Variants in TOM1 observed in about 807,000 individuals in gnomAD.
The protein encoded by TOM1 is target of myb1 membrane trafficking protein, also known as target of Myb protein 1.
In TOM1, 38 loss-of-function variants were observed where a neutral mutation model predicts 61.3. The ratio of observed to expected loss-of-function variants is 0.62; its 90% confidence interval spans 0.48 to 0.81. The LOEUF (loss-of-function observed/expected upper bound fraction) is 0.81. Ranked by LOEUF, TOM1 falls within the 40% of genes least tolerant of loss-of-function variation. The pLI, the probability that TOM1 is intolerant of heterozygous loss-of-function variation, is 0.00. For missense variants in TOM1, 591 were observed against 659.6 expected (o/e 0.90, Z 1.14); for synonymous variants, 270 against 268.8 (o/e 1.00, Z -0.04).
At position 35,323,380 on chromosome 22, in the gene TOM1, G is replaced by A. The variant is rs1928007064; in HGVS notation, c.367-116G>A. ...TTGCTGTGGAGTGGGCAGGGCAGAT[G>A]TAGTTAAAAAAAAAAAAAAAGCAGG... On this transcript the variant is annotated intron_variant, in intron 4 of 14. Coordinates refer to ENST00000449058, the MANE Select transcript of TOM1 (RefSeq NM_005488.3). This position sits in a 1 kb window ranked among gnomAD's most constrained non-coding sequence, Gnocchi z 4.2. 7.3e-7 allele frequency: 1 copy of A among 1,367,536 alleles called. No homozygotes were observed. The highest frequency in any genetic ancestry group is 1.3e-5 in the South Asian group (1 of 75,584). 84.7% of individuals were successfully genotyped at this position (1,367,536 alleles called of 1,614,324 possible).
At position 35,346,982 on chromosome 22, in the gene TOM1, GC is replaced by G; in HGVS notation, c.1324+17del. 1 of 833,388 alleles carries G rather than the reference GC, an allele frequency of 1.2e-6. No homozygotes were observed. The highest frequency in any genetic ancestry group is 1.9e-6 in the Non-Finnish European group (1 of 517,322). The allele number at this position is 833,388 out of a possible 1,614,324, so 51.6% of individuals were successfully genotyped here. A position where few individuals can be genotyped will look rare whatever the true frequency, so the allele number is the denominator to read the frequency against. On this transcript the variant is annotated intron_variant, in intron 14 of 14. Coordinates refer to ENST00000449058, the MANE Select transcript of TOM1 (RefSeq NM_005488.3). ...GTCACCAGCGAAGGTAGTAGTCCCC[GC>G]CCCTGCCCGCCCTCTCCTTTCCCCA...
At chr22:35,343,762 TACACATAC>T (rs1930230907) in intron 12 of TOM1, among the ~76,000 whole-genome samples, 1 of 78,112 alleles carries the variant, frequency 1.3e-5, no homozygotes, top group Non-Finnish European at 2.6e-5. Flanking sequence ...CCCCTACACC[TACACATAC>T]ACACCTACAC....
intron 1 of TOM1, among the ~76,000 whole-genome samples, chr22:35,307,493 C>T (rs974504209): frequency 1.3e-5 from 2 of 152,200 alleles, no homozygotes; most frequent in African/African-American, 2.4e-5. Flanking sequence ...GCTTAGTCTC[C>T]GCATCAGAAG....
intron 3 of TOM1, chr22:35,322,301 G>A: frequency 2.2e-6 from 1 of 450,880 alleles, no homozygotes; most frequent in South Asian, 3.1e-5. Flanking sequence ...CTGGGCCAAA[G>A]GACCTGTGGG....
intron 8 of TOM1, among the ~76,000 whole-genome samples, chr22:35,330,980 G>T (rs934084039): frequency 2.0e-5 from 3 of 152,168 alleles, no homozygotes; most frequent in African/African-American, 7.2e-5. Flanking sequence ...AAGAAAGATG[G>T]ATCCCAGGGC....
intron 1 of TOM1, among the ~76,000 whole-genome samples, chr22:35,300,485 C>T (rs1416666821): frequency 1.3e-5 from 2 of 152,204 alleles, no homozygotes; most frequent in East Asian, 3.9e-4. Flanking sequence ...GGCCCAGCGC[C>T]GGACAGCCCG....
chr22:35,334,209 C>A (rs1204662482), intron 10 of TOM1, 119 bp from the exon 11 acceptor site: 4 of 1,402,524 alleles, frequency 2.9e-6, no homozygotes, highest in Non-Finnish European at 3.8e-6. Context: ...CGCGCATTCC[C>A]CCACCCACAC....
chr22:35,303,030 C>T (rs1925985221), intron 1 of TOM1, among the ~76,000 whole-genome samples: 1 of 152,012 alleles, frequency 6.6e-6, no homozygotes, highest in South Asian at 2.1e-4. Context: ...AGCTGTAGAG[C>T]CATATGGAAT....
At position 35,299,973 on chromosome 22, in the gene TOM1, G is replaced by A; in HGVS notation, c.45G>A (p.Gln15=). 8 of 1,575,818 alleles carry A rather than the reference G, an allele frequency of 5.1e-6. No homozygotes were observed. The highest frequency in any genetic ancestry group is 6.9e-6 in the Non-Finnish European group (8 of 1,159,572). The change falls in exon 1 of 15, where the codon CAG becomes CAA. Residue 15 remains glutamine (Q), a synonymous_variant. Coordinates refer to ENST00000449058, the MANE Select transcript of TOM1 (RefSeq NM_005488.3). The part of the protein sequence containing the change: ...LGNPFSSPVG[Q]RIEKATDGSL... ...ACCCGTTCAGCTCTCCAGTGGGACA[G>A]CGCATCGGTGAGTCCCTGGAGCCCC...
At chr22:35,317,666 T>C (rs1927410372) in intron 1 of TOM1, among the ~76,000 whole-genome samples, 1 of 152,066 alleles carries the variant, frequency 6.6e-6, no homozygotes, top group Non-Finnish European at 1.5e-5. Context: ...GCAGAGGTAC[T>C]CCGGCCTCAG....
intron 7 of TOM1, 68 bp from the exon 8 acceptor site, chr22:35,330,278 CA>C (rs879087966): frequency 0.063 from 63,077 of 1,009,074 alleles, no homozygotes; most frequent in South Asian, 0.095. Context: ...CTCCGTCTCA[CA>C]AAAAAAAAAA....
chr22:35,340,665 TGAGCACAG>T (rs1366584046), intron 12 of TOM1, among the ~76,000 whole-genome samples: 1 of 152,114 alleles, frequency 6.6e-6, no homozygotes, highest in Non-Finnish European at 1.5e-5. Context: ...GAGGATCGCT[TGAGCACAG>T]GAGGTGGAGG....
chr22:35,307,247 C>G (rs1926402498), intron 1 of TOM1, among the ~76,000 whole-genome samples: 1 of 152,158 alleles, frequency 6.6e-6, no homozygotes, highest in South Asian at 2.1e-4. Flanking sequence ...GTAGGGTTTT[C>G]TTTTCATTAG....
intron 1 of TOM1, among the ~76,000 whole-genome samples, chr22:35,317,481 C>T (rs925874856): frequency 6.6e-6 from 1 of 152,172 alleles, no homozygotes. Context: ...AGCCACCGCG[C>T]CCAGCTCAAA....
intron 1 of TOM1, among the ~76,000 whole-genome samples, chr22:35,312,174 A>G (rs1259985729): frequency 1.3e-5 from 2 of 151,438 alleles, no homozygotes; most frequent in Non-Finnish European, 2.9e-5. Context: ...AACCCAGGAG[A>G]CGGAAGTTGC....
intron 8 of TOM1, chr22:35,331,420 T>G (rs1928837715): frequency 2.4e-6 from 1 of 421,778 alleles, no homozygotes; most frequent in African/African-American, 2.1e-5. Context: ...CTGCCCACCT[T>G]GTATCATTCT....
intron 1 of TOM1, among the ~76,000 whole-genome samples, chr22:35,308,062 AGAGG>A: frequency 6.6e-6 from 1 of 152,164 alleles, no homozygotes; most frequent in East Asian, 1.9e-4. Flanking sequence ...CCCCAGAACA[AGAGG>A]GAACTTGGCC....
At chr22:35,344,961 A>C (rs913531441) in intron 12 of TOM1, 2 of 152,672 alleles carry the variant, frequency 1.3e-5, no homozygotes, top group Admixed American at 6.5e-5. Context: ...CACTGTGTTA[A>C]GGGGTGAGCT....
intron 11 of TOM1, chr22:35,335,790 G>A (rs1289864435): frequency 1.9e-5 from 3 of 154,960 alleles, no homozygotes; most frequent in Non-Finnish European, 4.4e-5. Context: ...CTGTCCTGGA[G>A]GGGGCACCAG....
Sources: allele counts gnomAD v4.1 joint callset (sites outside exome capture counted in the v4.1 genomes callset), GRCh38; gene constraint gnomAD v4.1.1; non-coding constraint Gnocchi (gnomAD v3.1); transcripts MANE v1.5; gene names NCBI Gene and HGNC (gene_info 2026-07-23, HGNC 2026-07-21).